AKAP13: variants seen among roughly 807,000 people sequenced by gnomAD.
The protein encoded by AKAP13 is A-kinase anchoring protein 13, also known as A-kinase anchor protein 13.
Under a neutral mutation model 264.5 loss-of-function variants are expected in AKAP13, and 80 were observed. That is an observed-to-expected ratio of 0.30 (90% CI 0.25 to 0.36). The LOEUF (loss-of-function observed/expected upper bound fraction) is 0.36. Among genes scored for constraint, AKAP13 ranks in the 10% least tolerant of loss-of-function variants. The pLI, the probability that AKAP13 is intolerant of heterozygous loss-of-function variation, is 1.00. For missense variants in AKAP13, 3,712 were observed against 3,435.2 expected (o/e 1.08, Z -2.01); for synonymous variants, 1,380 against 1,250.2 (o/e 1.10, Z -2.19).
At chr15:85,587,997 T>G (rs1451591144) in intron 8 of AKAP13, among the ~76,000 whole-genome samples, 4 of 151,406 alleles carry the variant, frequency 2.6e-5, no homozygotes, top group African/African-American at 9.8e-5. Flanking sequence ...TGCCCTATGC[T>G]TTAGATTCCA....
intron 16 of AKAP13, among the ~76,000 whole-genome samples, chr15:85,686,708 T>G (rs1402161790): frequency 6.6e-6 from 1 of 152,194 alleles, no homozygotes; most frequent in Non-Finnish European, 1.5e-5. Flanking sequence ...CTTTTTTACT[T>G]ACCACTGCCG....
chr15:85,433,282 T>TAAAATTA (rs1419354447), intron 1 of AKAP13, among the ~76,000 whole-genome samples: 2 of 152,130 alleles, frequency 1.3e-5, no homozygotes, highest in Non-Finnish European at 1.5e-5. Flanking sequence ...TATGATAAAG[T>TAAAATTA]AAAATTACTG....
chr15:85,599,748 T>C (rs1016219874), intron 8 of AKAP13, among the ~76,000 whole-genome samples: 10 of 152,160 alleles, frequency 6.6e-5, no homozygotes, highest in African/African-American at 2.2e-4. Context: ...ATGAATATTA[T>C]CTCTGGGCTG....
At chr15:85,644,421 T>C (rs1186074619) in intron 9 of AKAP13, among the ~76,000 whole-genome samples, 1 of 151,458 alleles carries the variant, frequency 6.6e-6, no homozygotes, top group Admixed American at 6.6e-5. Context: ...TTTGTATTTT[T>C]AGTAGAGACG....
chr15:85,619,842 C>G, intron 8 of AKAP13: 2 of 1,346,672 alleles, frequency 1.5e-6, no homozygotes, highest in South Asian at 1.8e-5. Context: ...ATGAGTTCTA[C>G]ATTCATCTTT....
chr15:85,499,443 G>T (rs2075981023), intron 2 of AKAP13, among the ~76,000 whole-genome samples: 1 of 152,170 alleles, frequency 6.6e-6, no homozygotes, highest in Non-Finnish European at 1.5e-5. Flanking sequence ...TTGAAATGAG[G>T]TTGTAGACGG....
At position 85,697,906 on chromosome 15, in the gene AKAP13, A is replaced by G. The variant is rs567780335; in HGVS notation, c.5464+4455A>G. ...AAGTCCTTGATCTTATATGAAGTCA[A>G]TCAACAAAGTTCATTTGACTGAATT... On this transcript the variant is annotated intron_variant, in intron 17 of 36. Coordinates refer to ENST00000394518, the MANE Select transcript of AKAP13 (RefSeq NM_007200.5). Among the ~76,000 whole-genome samples the G allele has an allele frequency of 7.2e-5, 11 of 152,340 alleles. 1 individual carries two copies. Among genetic ancestry groups the G allele is most frequent in the African/African-American group, 1.7e-4 (7 of 41,578 alleles).
Position 85,579,228 on chromosome 15 carries a change from C to G in AKAP13, c.1160C>G (p.Pro387Arg), listed in dbSNP as rs762292415. ...ERKGEEVEPA[P>R]IVDSGTVSDQ... ...AAAGGGGAAGAGGTGGAGCCAGCAC[C>G]TATTGTGGACTCTGGAACTGTATCT... Residue 387 changes from proline to arginine, a missense_variant, in exon 7 of 37, where the codon CCT (proline) becomes CGT (arginine). By Grantham distance (103) the Pro-to-Arg change is moderately radical. Around this residue, in one of 3 missense-constraint regions of AKAP13, gnomAD observed 2,759 missense variants for 2,411.7 expected, o/e 1.14. Coordinates refer to ENST00000394518, the MANE Select transcript of AKAP13 (RefSeq NM_007200.5). The G allele has an allele frequency of 1.2e-6, 2 of 1,614,090 alleles. No homozygotes were observed. The highest frequency in any genetic ancestry group is 1.7e-5 in the Admixed American group (1 of 60,008).
chr15:85,571,821 T>A (rs2078828297), intron 5 of AKAP13, among the ~76,000 whole-genome samples: 1 of 152,162 alleles, frequency 6.6e-6, no homozygotes, highest in Non-Finnish European at 1.5e-5. Flanking sequence ...TGGAAGAGTG[T>A]CAGTAGCAAC....
At position 85,632,556 on chromosome 15, in the gene AKAP13, G is replaced by A. The variant is rs573236953; in HGVS notation, c.4162-6818G>A. ...GATAAAACCTGCAGAAATGCAAGAG[G>A]GACATGGAGAATTGTTTTCCAACAT... On this transcript the variant is annotated intron_variant, in intron 8 of 36. Coordinates refer to ENST00000394518, the MANE Select transcript of AKAP13 (RefSeq NM_007200.5). 3.0e-3 allele frequency among the ~76,000 whole-genome samples: 454 copies of A among 152,168 alleles called. 1 individual carries two copies. Among genetic ancestry groups the A allele is most frequent in the Non-Finnish European group, 5.2e-3 (355 of 68,004 alleles).
At chr15:85,572,913 T>C (rs13379946) in intron 5 of AKAP13, among the ~76,000 whole-genome samples, 48,203 of 152,076 alleles carry the variant, frequency 0.32, 8,030 homozygotes, top group African/African-American at 0.4. Flanking sequence ...AGTGAAAACA[T>C]GTGGTGTTTG....
chr15:85,685,037 T>C, intron 16 of AKAP13, 164 bp downstream of exon 16: 3 of 852,802 alleles, frequency 3.5e-6, no homozygotes, highest in African/African-American at 1.7e-5. Context: ...AGAAGAAAAA[T>C]AGCAAGAAGT....
chr15:85,673,678 T>TTTC, intron 14 of AKAP13, among the ~76,000 whole-genome samples: 1 of 122,406 alleles, frequency 8.2e-6, no homozygotes, highest in Non-Finnish European at 1.7e-5. Flanking sequence ...TTTTTTTTTT[T>TTTC]TTTTTTTTTT....
chr15:85,613,132 A>T (rs903206461), intron 8 of AKAP13, among the ~76,000 whole-genome samples: 9 of 152,222 alleles, frequency 5.9e-5, no homozygotes, highest in African/African-American at 2.2e-4. Flanking sequence ...AGTTTTATCA[A>T]ATACAACAGT....
intron 2 of AKAP13, among the ~76,000 whole-genome samples, chr15:85,497,961 A>G (rs2151084736): frequency 6.7e-6 from 1 of 150,086 alleles, no homozygotes; most frequent in Admixed American, 6.6e-5. Context: ...ACACAGAATG[A>G]GATCTGGGGA....
At chr15:85,702,131 A>T (rs1023947346) in intron 17 of AKAP13, 3 of 152,158 alleles carry the variant, frequency 2.0e-5, no homozygotes, top group African/African-American at 7.2e-5. Context: ...TGTAATCCCC[A>T]GCTACTTGGG....
intron 1 of AKAP13, among the ~76,000 whole-genome samples, chr15:85,397,688 G>A (rs564121614): frequency 1.3e-5 from 2 of 152,274 alleles, no homozygotes; most frequent in East Asian, 3.9e-4. Context: ...GGAAATTGAA[G>A]CTCAGAGAAA....
At chr15:85,596,503 A>C (rs1412969760) in intron 8 of AKAP13, among the ~76,000 whole-genome samples, 1 of 151,992 alleles carries the variant, frequency 6.6e-6, no homozygotes, top group East Asian at 1.9e-4. Flanking sequence ...GGATCATCTG[A>C]GCCTGGGGAG....
intron 8 of AKAP13, among the ~76,000 whole-genome samples, chr15:85,586,455 C>T (rs1444060275): frequency 6.6e-6 from 1 of 152,170 alleles, no homozygotes; most frequent in African/African-American, 2.4e-5. Flanking sequence ...CCACCTGCCT[C>T]AGCCTCCCAA....
Sources: gnomAD v4.1 joint callset for allele counts (sites outside exome capture counted in the v4.1 genomes callset) on GRCh38, gnomAD v4.1.1 for gene constraint, gnomAD v4.1.1 regional missense constraint, MANE v1.5 for transcripts, NCBI Gene and HGNC (gene_info 2026-07-23, HGNC 2026-07-21) for gene names.